Variants in KIT observed in about 807,000 individuals in gnomAD.
KIT encodes the protein mast/stem cell growth factor receptor Kit.
A neutral mutation model predicts 105.7 loss-of-function variants in KIT; 16 were observed. That is an observed-to-expected ratio of 0.15 (90% CI 0.10 to 0.23). The LOEUF (loss-of-function observed/expected upper bound fraction) is 0.23, where lower values mean the gene tolerates loss of function less well. Among genes scored for constraint, KIT ranks in the 10% least tolerant of loss-of-function variants. KIT has a pLI of 1.00. For missense variants in KIT, 858 were observed against 1,213.8 expected (o/e 0.71, Z 4.36); for synonymous variants, 438 against 441.1 (o/e 0.99, Z 0.09).
chr4:54,661,817 C>T (rs549347507), intron 1 of KIT, among the ~76,000 whole-genome samples: 2 of 152,224 alleles, frequency 1.3e-5, no homozygotes, highest in East Asian at 3.9e-4. Flanking sequence ...CTTTGTTGTA[C>T]TTAGAGAGGA....
Sources: allele counts gnomAD v4.1 joint callset (sites outside exome capture counted in the v4.1 genomes callset), GRCh38; gene constraint gnomAD v4.1.1; transcripts MANE v1.5; gene names NCBI Gene and HGNC (gene_info 2026-07-23, HGNC 2026-07-21).